The following MTHFS variants were observed in gnomAD, a reference collection of about 807,000 sequenced individuals.
The protein encoded by MTHFS is 5-formyltetrahydrofolate cyclo-ligase.
MTHFS carries 7 observed loss-of-function variants against 12.7 expected under a neutral mutation model. That is an observed-to-expected ratio of 0.55 (90% CI 0.31 to 1.03). The LOEUF (loss-of-function observed/expected upper bound fraction) is 1.03. Ranked by LOEUF, MTHFS falls within the 50% of genes least tolerant of loss-of-function variation. MTHFS has a pLI of 0.05. For synonymous variants in MTHFS, 100 were observed against 97.1 expected, an observed-to-expected ratio of 1.03 and a Z score of -0.18; for missense variants, 252 against 258.1, an observed-to-expected ratio of 0.98 and a Z score of 0.16.
intron 1 of MTHFS, among the ~76,000 whole-genome samples, chr15:79,892,855 C>T (rs945051572): frequency 3.3e-5 from 5 of 151,678 alleles, no homozygotes; most frequent in African/African-American, 1.2e-4. Context: ...GGAGGCTGAG[C>T]CAGGAGAATC....
At chr15:79,848,747 C>G (rs1566986379) in intron 2 of MTHFS, among the ~76,000 whole-genome samples, 1 of 152,222 alleles carries the variant, frequency 6.6e-6, no homozygotes, top group Non-Finnish European at 1.5e-5. Flanking sequence ...TTGATCACAG[C>G]TCTCACTGAA....
rs559719295 is a variant in MTHFS, at chr15:79,865,746, TG to T, written c.380-20305del. 6.2e-4 allele frequency among the ~76,000 whole-genome samples: 95 copies of T among 152,358 alleles called. 1 individual carries two copies. Among genetic ancestry groups the T allele is most frequent in the Admixed American group, 2.5e-3 (38 of 15,310 alleles). On this transcript the variant is annotated intron_variant, in intron 2 of 2. Coordinates refer to ENST00000258874, the MANE Select transcript of MTHFS (RefSeq NM_006441.4). ...TTGGATCTTCTGCCCCTGCAAATACTGGGCTATGCTGACAAAAACCAACCAT... is the reference window on the plus strand; with the variant it reads ...TTGGATCTTCTGCCCCTGCAAATACTGGCTATGCTGACAAAAACCAACCAT...
intron 1 of MTHFS, among the ~76,000 whole-genome samples, chr15:79,892,796 C>CA (rs2034496208): frequency 6.6e-6 from 1 of 151,888 alleles, no homozygotes; most frequent in Non-Finnish European, 1.5e-5. Flanking sequence ...ACTAAAAATA[C>CA]AAAAACTAGC....
chr15:79,847,696 A>C (rs1318438508), intron 2 of MTHFS, among the ~76,000 whole-genome samples: 1 of 151,844 alleles, frequency 6.6e-6, no homozygotes, highest in East Asian at 1.9e-4. Flanking sequence ...AAAAAGACTT[A>C]AACAGACATT....
chr15:79,866,368 C>T (rs2034011147), intron 2 of MTHFS, among the ~76,000 whole-genome samples: 1 of 152,114 alleles, frequency 6.6e-6, no homozygotes, highest in African/African-American at 2.4e-5. Flanking sequence ...ATCTATACTT[C>T]CCAGAAGTAA....
At chr15:79,880,534 C>A (rs16971482) in intron 2 of MTHFS, among the ~76,000 whole-genome samples, 4 of 151,796 alleles carry the variant, frequency 2.6e-5, no homozygotes, top group Admixed American at 2.6e-4. Context: ...CTCAGCTGTA[C>A]TTTAAAAAGG....
At chr15:79,889,907 G>A (rs1360563352) in intron 1 of MTHFS, among the ~76,000 whole-genome samples, 1 of 152,004 alleles carries the variant, frequency 6.6e-6, no homozygotes, top group African/African-American at 2.4e-5. Context: ...GTCATGAGTG[G>A]GTCACTAATT....
intron 2 of MTHFS, among the ~76,000 whole-genome samples, chr15:79,851,999 G>A (rs898481278): frequency 6.6e-6 from 1 of 152,180 alleles, no homozygotes; most frequent in Non-Finnish European, 1.5e-5. Flanking sequence ...ATATTATGAT[G>A]TAAAGAGTCT....
chr15:79,860,115 C>T (rs1596066536), intron 2 of MTHFS, among the ~76,000 whole-genome samples: 1 of 152,010 alleles, frequency 6.6e-6, no homozygotes, highest in South Asian at 2.1e-4. Flanking sequence ...ATTGGCCAGG[C>T]GTGGTGGCTC....
intron 2 of MTHFS, among the ~76,000 whole-genome samples, chr15:79,862,986 A>G: frequency 6.6e-6 from 1 of 152,166 alleles, no homozygotes; most frequent in East Asian, 1.9e-4. Context: ...GCCATCTACC[A>G]GCATTTCTGG....
intron 2 of MTHFS, among the ~76,000 whole-genome samples, chr15:79,846,511 G>C (rs893854245): frequency 6.6e-6 from 1 of 152,220 alleles, no homozygotes; most frequent in Non-Finnish European, 1.5e-5. Context: ...AACATGGCTA[G>C]CCCCCACTAT....
At chr15:79,875,274 C>CA (rs113946253) in intron 2 of MTHFS, among the ~76,000 whole-genome samples, 2,780 of 114,880 alleles carry the variant, frequency 0.024, 29 homozygotes, top group Middle Eastern at 0.058. Context: ...ACAAAAGCGA[C>CA]AAAAAAAAAA....
At chr15:79,869,479 G>T (rs769925039) in intron 2 of MTHFS, among the ~76,000 whole-genome samples, 2 of 152,078 alleles carry the variant, frequency 1.3e-5, no homozygotes, top group Non-Finnish European at 2.9e-5. Flanking sequence ...GTCTTGCTCT[G>T]TTGCCCAGGT....
rs571142008 is a variant in MTHFS, at chr15:79,843,691, T to C, written c.*1519A>G. ...AATTCTCTCTCTCACACACACACTA[T>C]ATGTCTAGTTGTGTACTAAGCATAA... On this transcript the variant is annotated 3_prime_UTR_variant, in exon 3 of 3. Transcript: ENST00000258874. 1.3e-5 allele frequency: 2 copies of C among 152,368 alleles called. No individual in the cohort carries two copies. The highest frequency in any genetic ancestry group is 2.4e-5 in the African/African-American group (1 of 41,592). 9.4% of individuals were successfully genotyped at this position (152,368 alleles called of 1,614,324 possible).
chr15:79,896,676 C>T, intron 1 of MTHFS, 196 bp downstream of exon 1: 2 of 1,025,934 alleles, frequency 1.9e-6, no homozygotes, highest in Non-Finnish European at 2.7e-6. Context: ...GGGCCCTCTC[C>T]CCGCCATAGT....
intron 2 of MTHFS, among the ~76,000 whole-genome samples, chr15:79,883,785 T>C (rs1410548716): frequency 6.6e-6 from 1 of 152,252 alleles, no homozygotes; most frequent in Non-Finnish European, 1.5e-5. Context: ...GACTTTGAGA[T>C]GTTAAGTAAT....
At chr15:79,882,391 A>G (rs1401428712) in intron 2 of MTHFS, among the ~76,000 whole-genome samples, 1 of 152,198 alleles carries the variant, frequency 6.6e-6, no homozygotes, top group East Asian at 1.9e-4. Context: ...GCCTGCCCCC[A>G]ACAAAAAATA....
chr15:79,849,664 T>A (rs1168574341), intron 2 of MTHFS, among the ~76,000 whole-genome samples: 2 of 152,254 alleles, frequency 1.3e-5, no homozygotes, highest in African/African-American at 2.4e-5. Flanking sequence ...CGCCAAAGAC[T>A]CATTAATAGC....
intron 2 of MTHFS, among the ~76,000 whole-genome samples, chr15:79,851,928 C>T (rs1372944637): frequency 1.3e-5 from 2 of 152,138 alleles, no homozygotes; most frequent in African/African-American, 4.8e-5. Flanking sequence ...CCAGCACTAC[C>T]ACTTATTAGC....
Sources: allele counts gnomAD v4.1 joint callset (sites outside exome capture counted in the v4.1 genomes callset), GRCh38; gene constraint gnomAD v4.1.1; transcripts MANE v1.5; gene names NCBI Gene and HGNC (gene_info 2026-07-23, HGNC 2026-07-21).